CBL: variants seen among roughly 807,000 people sequenced by gnomAD.
CBL encodes the protein Cbl proto-oncogene.
CBL carries 45 observed loss-of-function variants against 96.9 expected under a neutral mutation model. That is an observed-to-expected ratio of 0.46 (90% CI 0.37 to 0.60). The LOEUF is 0.60. Among genes scored for constraint, CBL ranks in the 20% least tolerant of loss-of-function variants. CBL has a pLI of 0.00. For missense variants in CBL, 1,024 were observed against 1,143.5 expected (o/e 0.90, Z 1.51); for synonymous variants, 420 against 426.8 (o/e 0.98, Z 0.20).
intron 2 of CBL, among the ~76,000 whole-genome samples, chr11:119,253,386 G>A (rs1426973644): frequency 6.9e-6 from 1 of 145,864 alleles, no homozygotes; most frequent in East Asian, 2.0e-4. Context: ...AGGAGGCTGA[G>A]ATGGGAGGAT....
intron 1 of CBL, among the ~76,000 whole-genome samples, chr11:119,215,219 C>T (rs529815443): frequency 6.6e-6 from 1 of 151,930 alleles, no homozygotes; most frequent in African/African-American, 2.4e-5. Flanking sequence ...TAGGAAAAAC[C>T]TATTTTTAGT....
At chr11:119,277,250 C>CACACACACACACACACACAT in intron 6 of CBL, among the ~76,000 whole-genome samples, 1 of 151,544 alleles carries the variant, frequency 6.6e-6, no homozygotes, top group African/African-American at 2.4e-5. Flanking sequence ...CGCACACACA[C>CACACACACACACACACACAT]ACACACACAC....
chr11:119,269,415 G>A (rs563051371), intron 2 of CBL, among the ~76,000 whole-genome samples: 77 of 151,998 alleles, frequency 5.1e-4, no homozygotes, highest in African/African-American at 1.8e-3. Flanking sequence ...GAAATGGCCA[G>A]GCTAGTCTCA....
intron 9 of CBL, among the ~76,000 whole-genome samples, chr11:119,279,146 A>G (rs1949913526): frequency 1.3e-5 from 2 of 151,494 alleles, no homozygotes; most frequent in Admixed American, 1.3e-4. Context: ...CTCTTTTGCT[A>G]ATGCAACTAG....
intron 2 of CBL, among the ~76,000 whole-genome samples, chr11:119,244,471 G>T (rs1369896714): frequency 6.6e-6 from 1 of 151,128 alleles, no homozygotes; most frequent in Admixed American, 6.6e-5. Flanking sequence ...AGGCTGGAGT[G>T]CAGTGGCACA....
intron 1 of CBL, among the ~76,000 whole-genome samples, chr11:119,216,628 C>T (rs1949363149): frequency 6.6e-6 from 1 of 152,078 alleles, no homozygotes; most frequent in East Asian, 1.9e-4. Context: ...CCTCGGCCTC[C>T]CAAAGTGCTG....
intron 2 of CBL, among the ~76,000 whole-genome samples, chr11:119,253,450 CAA>C (rs66912490): frequency 2.3e-3 from 195 of 85,004 alleles, no homozygotes; most frequent in East Asian, 0.01. Flanking sequence ...GACCTCATCT[CAA>C]AAAAAAAAAA....
chr11:119,262,778 G>A (rs371739928), intron 2 of CBL, among the ~76,000 whole-genome samples: 1 of 152,202 alleles, frequency 6.6e-6, no homozygotes, highest in African/African-American at 2.4e-5. Flanking sequence ...GCAAGTTGCT[G>A]TAGGGGGTTC....
rs542467589 is a variant in CBL, at chr11:119,283,883, C to T, written c.1432-1086C>T. ...CGATCTCCTGACCTCGTGATCCACCCGCCTCAGCCTCCCAAAGTGCTGCGA... is the reference window on the plus strand; with the variant it reads ...CGATCTCCTGACCTCGTGATCCACCTGCCTCAGCCTCCCAAAGTGCTGCGA... On this transcript the variant is annotated intron_variant, in intron 9 of 15. Transcript: ENST00000264033. 1.7e-4 allele frequency among the ~76,000 whole-genome samples: 26 copies of T among 151,884 alleles called. No homozygotes were observed. In the East Asian group the frequency reaches 4.3e-3, roughly 25 times the overall value.
chr11:119,217,588 T>G lies in CBL; in HGVS notation c.195+10976T>G, dbSNP rs372539941. Among the ~76,000 whole-genome samples the G allele has an allele frequency of 8.2e-4, 125 of 152,270 alleles. 1 individual carries two copies. The highest frequency in any genetic ancestry group is 2.9e-3 in the African/African-American group (119 of 41,554). ...GGCCTGAGAGATTTTGCATTCCTAA[T>G]CAGCTCTCAGGAGATGTCATTGCAG... On this transcript the variant is annotated intron_variant, in intron 1 of 15. Coordinates refer to ENST00000264033, the MANE Select transcript of CBL (RefSeq NM_005188.4).
intron 1 of CBL, among the ~76,000 whole-genome samples, chr11:119,222,940 G>A (rs932482211): frequency 2.0e-5 from 3 of 152,082 alleles, no homozygotes; most frequent in African/African-American, 7.2e-5. Flanking sequence ...ATTTTGGGAT[G>A]CCAGGAGGCA....
chr11:119,253,660 C>CT (rs2135282045), intron 2 of CBL, among the ~76,000 whole-genome samples: 1 of 147,562 alleles, frequency 6.8e-6, no homozygotes, highest in East Asian at 2.0e-4. Context: ...GAGTTAAACT[C>CT]TGTCTTAATA....
intron 2 of CBL, among the ~76,000 whole-genome samples, chr11:119,233,802 A>G (rs953010290): frequency 6.6e-6 from 1 of 152,178 alleles, no homozygotes; most frequent in Non-Finnish European, 1.5e-5. Context: ...GTTACCATGC[A>G]TGACTCTAGC....
chr11:119,299,372 G>A (rs931498780), intron 15 of CBL, 123 bp from the exon 16 acceptor site: 2 of 871,814 alleles, frequency 2.3e-6, no homozygotes, highest in African/African-American at 1.7e-5. Flanking sequence ...CCTTGTGACT[G>A]AAGAGCACAT....
intron 1 of CBL, among the ~76,000 whole-genome samples, chr11:119,230,292 A>G (rs1210852846): frequency 1.3e-5 from 2 of 151,908 alleles, no homozygotes; most frequent in African/African-American, 4.8e-5. Context: ...AGCTGGGACT[A>G]CAGGCGCCCG....
Position 119,304,287 on chromosome 11 carries a change from C to T in CBL, c.*4506C>T, listed in dbSNP as rs988826280. On this transcript the variant is annotated 3_prime_UTR_variant, in exon 16 of 16. Transcript: ENST00000264033. Reference sequence around the variant, plus strand: ...AGTGTTTTGTTGGAAATACATAGAACGGCTTAATGCCTAGAGGGTGGTGGA... The same window carrying T: ...AGTGTTTTGTTGGAAATACATAGAATGGCTTAATGCCTAGAGGGTGGTGGA... 6.4e-5 allele frequency: 15 copies of T among 233,266 alleles called. No homozygotes were observed. Among genetic ancestry groups the T allele is most frequent in the African/African-American group, 2.9e-4 (13 of 45,458 alleles). 14.4% of individuals were successfully genotyped at this position (233,266 alleles called of 1,614,324 possible).
At chr11:119,275,573 G>A (rs908429594) in intron 5 of CBL, among the ~76,000 whole-genome samples, 1 of 151,702 alleles carries the variant, frequency 6.6e-6, no homozygotes, top group African/African-American at 2.4e-5. Context: ...CTCAGAAGTA[G>A]TTATTCTTGG....
rs1949969576 is a variant in CBL at position 119,285,007 on chromosome 11, A to G, written c.1470A>G (p.Gln490=). The G allele has an allele frequency of 6.2e-7, 1 of 1,614,088 alleles. No individual in the cohort carries two copies. The change falls in exon 10 of 16, where the codon CAA becomes CAG. Residue 490 remains glutamine, a synonymous_variant. Transcript: ENST00000264033. ...RPPSPFSMAP[Q]ASLPPVPPRL... ...CTTCTCCATTCTCCATGGCCCCACA[A>G]GCTTCCCTTCCCCCGGTGCCACCAC...
At chr11:119,280,924 A>G (rs1949928920) in intron 9 of CBL, among the ~76,000 whole-genome samples, 1 of 152,198 alleles carries the variant, frequency 6.6e-6, no homozygotes, top group African/African-American at 2.4e-5. Context: ...ATACTATACA[A>G]TAATTACTTT....
Sources: allele counts gnomAD v4.1 joint callset (sites outside exome capture counted in the v4.1 genomes callset), GRCh38; gene constraint gnomAD v4.1.1; transcripts MANE v1.5; gene names NCBI Gene and HGNC (gene_info 2026-07-23, HGNC 2026-07-21).